Variants in CNTN4 observed in about 807,000 individuals in gnomAD.
CNTN4 encodes contactin 4.
Under a neutral mutation model 122.5 loss-of-function variants are expected in CNTN4, and 77 were observed. The observed-to-expected ratio is 0.63, with a 90% confidence interval of 0.52 to 0.76. CNTN4 has a LOEUF of 0.76. CNTN4 is among the 30% of genes least tolerant of loss of function. CNTN4 has a pLI of 0.00. For synonymous variants in CNTN4, 512 were observed against 447.0 expected (o/e 1.15, Z -1.83); for missense variants, 1,256 against 1,259.1 (o/e 1.00, Z 0.04).
intron 3 of CNTN4, among the ~76,000 whole-genome samples, chr3:2,487,861 G>A (rs2076207332): frequency 6.6e-6 from 1 of 152,154 alleles, no homozygotes; most frequent in African/African-American, 2.4e-5. Flanking sequence ...AATTTTCGCA[G>A]TAACAAATGA....
At chr3:2,309,228 A>C (rs1489681456) in intron 2 of CNTN4, among the ~76,000 whole-genome samples, 2 of 152,018 alleles carry the variant, frequency 1.3e-5, no homozygotes, top group African/African-American at 4.8e-5. Flanking sequence ...TCTGTACTAA[A>C]ATTTTTGGCT....
intron 2 of CNTN4, among the ~76,000 whole-genome samples, chr3:2,296,162 CTCTTTTTTGGT>C (rs992978257): frequency 1.3e-5 from 2 of 152,102 alleles, no homozygotes; most frequent in Non-Finnish European, 2.9e-5. Context: ...GCGATGCGGG[CTCTTTTTTGGT>C]TCCATATGAA....
At chr3:2,180,105 G>A (rs988777644) in intron 2 of CNTN4, among the ~76,000 whole-genome samples, 1 of 151,826 alleles carries the variant, frequency 6.6e-6, no homozygotes, top group Non-Finnish European at 1.5e-5. Context: ...GTAGATAAAG[G>A]AGAGTCCTAA....
intron 3 of CNTN4, among the ~76,000 whole-genome samples, chr3:2,340,701 A>ATG (rs2044153918): frequency 5.5e-5 from 4 of 72,748 alleles, no homozygotes; most frequent in African/African-American, 1.6e-4. Context: ...ATATATATAT[A>ATG]TATATATATA....
chr3:2,302,149 G>A (rs2042548857), intron 2 of CNTN4, among the ~76,000 whole-genome samples: 1 of 152,128 alleles, frequency 6.6e-6, no homozygotes, highest in African/African-American at 2.4e-5. Context: ...CTTAGAATTG[G>A]GCTGGGCACA....
chr3:2,203,339 C>G (rs1268266896), intron 2 of CNTN4, among the ~76,000 whole-genome samples: 3 of 152,026 alleles, frequency 2.0e-5, no homozygotes, highest in Admixed American at 6.6e-5. Flanking sequence ...AGATACTATG[C>G]TAGGTGTTAC....
intron 3 of CNTN4, among the ~76,000 whole-genome samples, chr3:2,566,809 G>A (rs1014638850): frequency 1.3e-5 from 2 of 152,180 alleles, no homozygotes; most frequent in East Asian, 3.9e-4. Context: ...AATCCAGGAA[G>A]AACTCAGTGT....
At chr3:2,457,887 C>T (rs1575674259) in intron 3 of CNTN4, among the ~76,000 whole-genome samples, 1 of 152,100 alleles carries the variant, frequency 6.6e-6, no homozygotes, top group Non-Finnish European at 1.5e-5. Context: ...ATAACTCTGC[C>T]ACTTGGCCAT....
chr3:2,893,577 C>G (rs73005465), intron 10 of CNTN4, among the ~76,000 whole-genome samples: 1,706 of 151,984 alleles, frequency 0.011, 18 homozygotes, highest in Middle Eastern at 0.058. Flanking sequence ...TTAAGGGGTA[C>G]GCATTAAGCA....
intron 2 of CNTN4, among the ~76,000 whole-genome samples, chr3:2,183,374 C>T (rs969258020): frequency 4.6e-5 from 7 of 152,120 alleles, no homozygotes; most frequent in African/African-American, 1.4e-4. Context: ...TCTTGGTTCC[C>T]AGAGATGAAT....
chr3:2,375,168 A>G (rs965626578), intron 3 of CNTN4, among the ~76,000 whole-genome samples: 8 of 152,220 alleles, frequency 5.3e-5, no homozygotes, highest in African/African-American at 1.9e-4. Flanking sequence ...CTCTAAATAT[A>G]TGGCATGTCT....
At chr3:2,452,611 C>T (rs979297323) in intron 3 of CNTN4, among the ~76,000 whole-genome samples, 3 of 152,118 alleles carry the variant, frequency 2.0e-5, no homozygotes, top group African/African-American at 4.8e-5. Flanking sequence ...TGCATCCATA[C>T]TTTTAGTGCT....
At chr3:2,674,377 A>G (rs749246937) in intron 4 of CNTN4, among the ~76,000 whole-genome samples, 27 of 152,222 alleles carry the variant, frequency 1.8e-4, no homozygotes, top group Non-Finnish European at 3.5e-4. Context: ...GGTAATTAGC[A>G]TCTCCATCAG....
At chr3:2,344,246 G>T (rs2044313528) in intron 3 of CNTN4, among the ~76,000 whole-genome samples, 1 of 151,708 alleles carries the variant, frequency 6.6e-6, no homozygotes, top group South Asian at 2.1e-4. Context: ...AGTCCTGTCT[G>T]ACCTGACTGC....
intron 2 of CNTN4, among the ~76,000 whole-genome samples, chr3:2,147,457 T>A (rs2035298320): frequency 6.6e-6 from 1 of 152,198 alleles, no homozygotes; most frequent in Admixed American, 6.5e-5. Context: ...AGGGGCTCGT[T>A]AATTTTTATG....
At chr3:3,056,046 A>G (rs1574956789) in intron 24 of CNTN4, 74 bp from the exon 25 acceptor site, 2 of 1,078,676 alleles carry the variant, frequency 1.9e-6, no homozygotes, top group South Asian at 1.3e-5. Flanking sequence ...TGCTGTTTCA[A>G]AAAGCCCCGT....
intron 13 of CNTN4, among the ~76,000 whole-genome samples, chr3:2,986,906 C>T (rs192998548): frequency 9.9e-5 from 15 of 152,270 alleles, no homozygotes; most frequent in Admixed American, 9.1e-4. Context: ...GCTACCATTC[C>T]ATGTGATAAG....
intron 2 of CNTN4, among the ~76,000 whole-genome samples, chr3:2,186,331 T>C (rs1236069909): frequency 1.3e-5 from 2 of 152,172 alleles, no homozygotes; most frequent in African/African-American, 2.4e-5. Context: ...AGTCTATCAT[T>C]GATGGACATT....
intron 2 of CNTN4, among the ~76,000 whole-genome samples, chr3:2,256,934 A>G (rs1482038971): frequency 6.6e-6 from 1 of 152,136 alleles, no homozygotes; most frequent in African/African-American, 2.4e-5. Flanking sequence ...AACAGAAAAA[A>G]CTGCTTTAAA....
Sources: allele counts gnomAD v4.1 joint callset (sites outside exome capture counted in the v4.1 genomes callset), GRCh38; gene constraint gnomAD v4.1.1; transcripts MANE v1.5; gene names NCBI Gene and HGNC (gene_info 2026-07-23, HGNC 2026-07-21).